VPS13B: variants seen among roughly 807,000 people sequenced by gnomAD.
VPS13B encodes vacuolar protein sorting 13 homolog B.
A neutral mutation model predicts 426.4 loss-of-function variants in VPS13B; 285 were observed. The ratio of observed to expected loss-of-function variants is 0.67; its 90% CI spans 0.61 to 0.74. The LOEUF (loss-of-function observed/expected upper bound fraction) is 0.74. Ranked by LOEUF, VPS13B falls within the 30% of genes least tolerant of loss-of-function variation. The pLI is 0.00. For synonymous variants in VPS13B, 1,676 were observed against 1,676.4 expected, an observed-to-expected ratio of 1.00 and a Z score of 0.01; for missense variants, 4,537 against 4,782.6, an observed-to-expected ratio of 0.95 and a Z score of 1.51.
chr8:99,216,445 G>GT (rs1181952051), intron 17 of VPS13B, among the ~76,000 whole-genome samples: 5 of 151,646 alleles, frequency 3.3e-5, no homozygotes, highest in Non-Finnish European at 5.9e-5. Context: ...ATTGTTTACT[G>GT]TCTTTTCTTT....
chr8:99,839,691 G>T (rs901772113), intron 54 of VPS13B, among the ~76,000 whole-genome samples: 1 of 152,172 alleles, frequency 6.6e-6, no homozygotes, highest in African/African-American at 2.4e-5. Context: ...GCTACAAATA[G>T]TAGCTGCCTG....
At chr8:99,418,024 TA>T (rs1313876474) in intron 21 of VPS13B, among the ~76,000 whole-genome samples, 1 of 152,154 alleles carries the variant, frequency 6.6e-6, no homozygotes, top group Admixed American at 6.5e-5. Context: ...TTAAATATAT[TA>T]ATCTCACTGG....
chr8:99,159,407 G>T (rs1811524369), intron 15 of VPS13B, among the ~76,000 whole-genome samples: 1 of 152,172 alleles, frequency 6.6e-6, no homozygotes, highest in African/African-American at 2.4e-5. Flanking sequence ...TTTGATAGAA[G>T]TTTTACTACT....
intron 55 of VPS13B, among the ~76,000 whole-genome samples, chr8:99,850,321 A>AT (rs1267051189): frequency 2.2e-5 from 3 of 139,282 alleles, no homozygotes; most frequent in African/African-American, 8.8e-5. Flanking sequence ...TTATACATAC[A>AT]TAAGTACGCA....
chr8:99,442,527 A>G lies in VPS13B; in HGVS notation c.3337A>G (p.Thr1113Ala). The change falls in exon 23 of 62, where the codon ACA (threonine) becomes GCA (alanine). Residue 1113 changes from threonine to alanine, a missense_variant. Thr to Ala is a moderately conservative substitution (Grantham distance 58). Around this residue, in one of 2 missense-constraint regions of VPS13B, gnomAD observed 4,311 missense variants for 4,474.3 expected, o/e 0.96. Coordinates refer to ENST00000357162, the MANE Select transcript of VPS13B (RefSeq NM_152564.5). ...WYHGQTSMPG[T>A]LVLCLPQIKI... ...CCATGGACAAACCAGCATGCCGGGA[A>G]CACTTGTCCTCTGTTTGCCTCAAAT... 1 of 1,614,020 alleles carries G rather than the reference A, an allele frequency of 6.2e-7. No homozygotes were observed. Among genetic ancestry groups the G allele is most frequent in the Non-Finnish European group, 8.5e-7 (1 of 1,179,920 alleles).
intron 54 of VPS13B, among the ~76,000 whole-genome samples, chr8:99,836,347 C>T (rs1179812907): frequency 6.6e-6 from 1 of 152,030 alleles, no homozygotes; most frequent in African/African-American, 2.4e-5. Flanking sequence ...TGTTGTATAA[C>T]CATCACCACT....
In VPS13B at chr8:99,205,760, A is replaced by G. The variant is rs1588140017; in HGVS notation, c.2515+12703A>G. Reference sequence around the variant, plus strand: ...GATGGGAACATTTATGCTTAGAACAATTTAGTGTTTTTCTTAAATATCATC... The same window carrying G: ...GATGGGAACATTTATGCTTAGAACAGTTTAGTGTTTTTCTTAAATATCATC... On this transcript the variant is annotated intron_variant, in intron 17 of 61. Transcript: ENST00000357162. 2.6e-5 allele frequency among the ~76,000 whole-genome samples: 4 copies of G among 152,260 alleles called. No individual in the cohort carries two copies. In the South Asian group the frequency reaches 6.2e-4, roughly 24 times the overall value.
chr8:99,090,146 G>T (rs1652712556), intron 3 of VPS13B, among the ~76,000 whole-genome samples: 2 of 151,964 alleles, frequency 1.3e-5, no homozygotes, highest in Admixed American at 1.3e-4. Flanking sequence ...TGGGGGCTAA[G>T]GATTTTATTT....
rs141408531 is a variant in VPS13B at position 99,832,376 on chromosome 8, G to A, written c.9338G>A (p.Arg3113His). 3.8e-5 allele frequency: 30 copies of A among 782,104 alleles called. No individual in the cohort carries two copies. The highest frequency in any genetic ancestry group is 1.5e-4 in the East Asian group (3 of 20,516). 48.4% of individuals were successfully genotyped at this position (782,104 alleles called of 1,614,324 possible). ...TTTTTTTTTTTTTTTTAGTATTTTC[G>A]TGTTCCAGACAGTGCTACTTTTAGC... ...CNPHSGKEYF[R>H]VPDSATFSIC... Residue 3113 changes from arginine (R) to histidine (H), a missense_variant, in exon 52 of 62, where the codon CGT (arginine) becomes CAT (histidine). By Grantham distance (29) the Arg-to-His change is conservative. Around this residue, in one of 2 missense-constraint regions of VPS13B, gnomAD observed 4,311 missense variants for 4,474.3 expected, o/e 0.96. Coordinates refer to ENST00000357162, the MANE Select transcript of VPS13B (RefSeq NM_152564.5).
intron 24 of VPS13B, among the ~76,000 whole-genome samples, chr8:99,474,701 C>T (rs574042594): frequency 9.7e-4 from 147 of 152,160 alleles, no homozygotes; most frequent in African/African-American, 3.5e-3. Flanking sequence ...AAATGATAGA[C>T]TCAATATGTG....
chr8:99,317,221 G>A (rs144726365), intron 19 of VPS13B, among the ~76,000 whole-genome samples: 47 of 152,252 alleles, frequency 3.1e-4, no homozygotes, highest in African/African-American at 1.1e-3. Flanking sequence ...GAGTGGGTAT[G>A]GATCTGAACT....
intron 33 of VPS13B, among the ~76,000 whole-genome samples, chr8:99,622,301 A>G (rs1165349278): frequency 6.6e-6 from 1 of 152,216 alleles, no homozygotes; most frequent in Non-Finnish European, 1.5e-5. Context: ...TTACGGTCCC[A>G]TAACAGGGAA....
At chr8:99,078,651 C>G (rs1193097976) in intron 3 of VPS13B, among the ~76,000 whole-genome samples, 1 of 152,060 alleles carries the variant, frequency 6.6e-6, no homozygotes, top group Non-Finnish European at 1.5e-5. Context: ...GTCCAGGCAG[C>G]TTTTCTGGGT....
At chr8:99,661,991 T>C (rs550266376) in intron 35 of VPS13B, among the ~76,000 whole-genome samples, 3 of 152,286 alleles carry the variant, frequency 2.0e-5, no homozygotes, top group African/African-American at 7.2e-5. Context: ...TTTAGATAGA[T>C]ACAGATATCA....
chr8:99,327,494 CAGAT>C lies in VPS13B; in HGVS notation c.2824+52244_2824+52247del, dbSNP rs140266741. On this transcript the variant is annotated intron_variant, in intron 19 of 61. Transcript: ENST00000357162. ...GACACAAGGTAGAAGCATGGGGAGA[CAGAT>C]AGAGCAGTCAACACACATAAGATAT... Among the ~76,000 whole-genome samples the C allele has an allele frequency of 3.0e-3, 450 of 152,150 alleles. 2 individuals carry two copies. Among genetic ancestry groups the C allele is most frequent in the African/African-American group, 9.5e-3 (396 of 41,518 alleles).
chr8:99,371,068 T>C (rs944180972), intron 19 of VPS13B, among the ~76,000 whole-genome samples: 1 of 152,214 alleles, frequency 6.6e-6, no homozygotes, highest in Non-Finnish European at 1.5e-5. Flanking sequence ...CTGATACTTA[T>C]TTGACATTTA....
At chr8:99,616,417 G>A (rs55872262) in intron 33 of VPS13B, among the ~76,000 whole-genome samples, 4,465 of 152,158 alleles carry the variant, frequency 0.029, 99 homozygotes, top group South Asian at 0.064. Flanking sequence ...GTGAAGGAGA[G>A]GTATCTCAAG....
intron 23 of VPS13B, among the ~76,000 whole-genome samples, chr8:99,460,278 G>C (rs1818754805): frequency 6.6e-6 from 1 of 151,788 alleles, no homozygotes; most frequent in Admixed American, 6.6e-5. Flanking sequence ...GTGGCTCTCG[G>C]AGCTGTATTA....
intron 33 of VPS13B, among the ~76,000 whole-genome samples, chr8:99,612,057 G>A (rs1827865502): frequency 6.6e-6 from 1 of 152,042 alleles, no homozygotes; most frequent in South Asian, 2.1e-4. Context: ...AAAATTTTAA[G>A]TTATTTTCCA....
Sources: allele counts gnomAD v4.1 joint callset (sites outside exome capture counted in the v4.1 genomes callset), GRCh38; gene constraint gnomAD v4.1.1; regional missense constraint gnomAD v4.1.1; transcripts MANE v1.5; gene names NCBI Gene and HGNC (gene_info 2026-07-23, HGNC 2026-07-21).